SLC44A5: variants seen among roughly 807,000 people sequenced by gnomAD.
The protein encoded by SLC44A5 is choline transporter-like protein 5.
In SLC44A5, 57 loss-of-function variants were observed where a neutral mutation model predicts 101.8. That is an observed-to-expected ratio of 0.56 (90% confidence interval 0.45 to 0.70). SLC44A5 has a LOEUF of 0.70. Ranked by LOEUF, SLC44A5 falls within the 30% of genes least tolerant of loss-of-function variation. SLC44A5 has a pLI of 0.00. For synonymous variants in SLC44A5, 281 were observed against 290.9 expected (o/e 0.97, Z 0.35); for missense variants, 737 against 853.1 (o/e 0.86, Z 1.70).
chr1:75,684,901 C>A, the SLC44A5 span, among the ~76,000 whole-genome samples: 1 of 152,148 alleles, frequency 6.6e-6, no homozygotes, highest in African/African-American at 2.4e-5. Flanking sequence ...GGGCTCTGAC[C>A]CCACATTTCA....
At chr1:75,618,922 T>C in the SLC44A5 span, among the ~76,000 whole-genome samples, 2 of 151,592 alleles carry the variant, frequency 1.3e-5, no homozygotes, top group Admixed American at 6.6e-5. Flanking sequence ...ATACAAAAAT[T>C]AGCTGGGTGT....
At chr1:75,616,015 G>T, upstream of SLC44A5, 1 of 454,464 alleles carries the variant, frequency 2.2e-6, no homozygotes, top group Non-Finnish European at 2.9e-6. Flanking sequence ...TCTGCGAGCA[G>T]CAGCGGCGGC....
intron 2 of SLC44A5, among the ~76,000 whole-genome samples, chr1:75,467,661 C>T (rs556610524): frequency 7.9e-5 from 12 of 152,238 alleles, no homozygotes; most frequent in African/African-American, 2.4e-4. Flanking sequence ...GCCTATCTCT[C>T]GCCATATACA....
At chr1:75,355,115 A>G (rs899826723) in intron 3 of SLC44A5, among the ~76,000 whole-genome samples, 1 of 152,236 alleles carries the variant, frequency 6.6e-6, no homozygotes, top group Non-Finnish European at 1.5e-5. Flanking sequence ...AAAACTTTTA[A>G]AGTATGGAAT....
At position 75,361,962 on chromosome 1, in the gene SLC44A5, AT is replaced by A. The variant is rs1375590126; in HGVS notation, c.53-22333del. On this transcript the variant is annotated intron_variant, in intron 3 of 23. Coordinates refer to ENST00000370859, the MANE Select transcript of SLC44A5 (RefSeq NM_001130058.2). Reference sequence around the variant, plus strand: ...TTTATCCCTGATCTTAGAGGAAGACATTTTGTTACTGATTAAATCTCCTTAC... The same window carrying A: ...TTTATCCCTGATCTTAGAGGAAGACATTTGTTACTGATTAAATCTCCTTAC... Among the ~76,000 whole-genome samples the A allele has an allele frequency of 3.9e-5, 6 of 151,948 alleles. No homozygotes were observed. The East Asian group carries it at 1.2e-3, about 29-fold the overall frequency.
intron 2 of SLC44A5, among the ~76,000 whole-genome samples, chr1:75,439,584 C>A (rs1229775474): frequency 6.6e-6 from 1 of 151,814 alleles, no homozygotes; most frequent in Non-Finnish European, 1.5e-5. Context: ...GTTGAAATAA[C>A]AACATTTTAG....
At chr1:75,682,906 C>A in the SLC44A5 span, among the ~76,000 whole-genome samples, 3 of 151,988 alleles carry the variant, frequency 2.0e-5, no homozygotes, top group Admixed American at 6.6e-5. Context: ...AACAAATTAA[C>A]AAGAAAAAAA....
In SLC44A5 at chr1:75,477,372, T is replaced by C. The variant is rs187024045; in HGVS notation, c.13+64063A>G. Among the ~76,000 whole-genome samples the C allele has an allele frequency of 1.9e-3, 290 of 152,346 alleles. 1 individual carries two copies. The highest frequency in any genetic ancestry group is 6.4e-3 in the African/African-American group (267 of 41,572). ...CCTCTCCTCCTCCAAAGGAACGCAGTTCCTCACCAGCAACGGAACAAAGCT... is the reference window on the plus strand; with the variant it reads ...CCTCTCCTCCTCCAAAGGAACGCAGCTCCTCACCAGCAACGGAACAAAGCT... On this transcript the variant is annotated intron_variant, in intron 2 of 23. Transcript: ENST00000370859.
At chr1:75,418,432 G>A (rs778006591) in intron 2 of SLC44A5, among the ~76,000 whole-genome samples, 3 of 152,166 alleles carry the variant, frequency 2.0e-5, no homozygotes, top group Non-Finnish European at 4.4e-5. Context: ...AATATAACAG[G>A]GAAACCTATT....
chr1:75,672,277 A>G, the SLC44A5 span, among the ~76,000 whole-genome samples: 2 of 152,108 alleles, frequency 1.3e-5, no homozygotes, highest in African/African-American at 4.8e-5. Flanking sequence ...AGAGGGAAAA[A>G]TCTGTGTACT....
intron 6 of SLC44A5, 49 bp from the exon 7 acceptor site, chr1:75,251,343 A>G: frequency 2.1e-6 from 3 of 1,462,104 alleles, no homozygotes; most frequent in South Asian, 1.2e-5. Flanking sequence ...GAAATGTTCC[A>G]TATCATTTCA....
the SLC44A5 span, among the ~76,000 whole-genome samples, chr1:75,691,557 T>A: frequency 2.6e-5 from 4 of 151,820 alleles, no homozygotes; most frequent in African/African-American, 7.3e-5. Flanking sequence ...GGAAACAAAA[T>A]GAAAAAGGGG....
At chr1:75,643,072 G>C in the SLC44A5 span, among the ~76,000 whole-genome samples, 1 of 152,042 alleles carries the variant, frequency 6.6e-6, no homozygotes, top group African/African-American at 2.4e-5. Context: ...TTCCTATACT[G>C]ATTTTTACTT....
At chr1:75,683,662 C>T in the SLC44A5 span, among the ~76,000 whole-genome samples, 34 of 152,060 alleles carry the variant, frequency 2.2e-4, no homozygotes, top group East Asian at 3.9e-4. Flanking sequence ...TGCTAGATGA[C>T]GAGTTAGTGG....
the SLC44A5 span, among the ~76,000 whole-genome samples, chr1:75,665,441 G>A: frequency 3.3e-5 from 5 of 152,130 alleles, no homozygotes; most frequent in African/African-American, 1.2e-4. Context: ...TTCATCATAT[G>A]CAAAGATTAA....
intron 2 of SLC44A5, among the ~76,000 whole-genome samples, chr1:75,497,378 C>A (rs577928094): frequency 6.6e-6 from 1 of 152,128 alleles, no homozygotes; most frequent in South Asian, 2.1e-4. Flanking sequence ...TGAAATAAAT[C>A]AGACACACAA....
chr1:75,577,831 A>G (rs929029938), intron 1 of SLC44A5, among the ~76,000 whole-genome samples: 17 of 152,150 alleles, frequency 1.1e-4, no homozygotes, highest in Non-Finnish European at 2.1e-4. Context: ...ATAAGTACAA[A>G]ACACCTAAAA....
intron 1 of SLC44A5, among the ~76,000 whole-genome samples, chr1:75,552,998 A>T (rs1458551268): frequency 6.6e-6 from 1 of 152,154 alleles, no homozygotes; most frequent in Non-Finnish European, 1.5e-5. Flanking sequence ...TCAGGACACC[A>T]GTTCAAAAAT....
At chr1:75,659,957 C>T in the SLC44A5 span, among the ~76,000 whole-genome samples, 1 of 151,952 alleles carries the variant, frequency 6.6e-6, no homozygotes, top group African/African-American at 2.4e-5. Flanking sequence ...AGAATCAAAG[C>T]ACCTTGGAGG....
Sources: gnomAD v4.1 joint callset for allele counts (sites outside exome capture counted in the v4.1 genomes callset) on GRCh38, gnomAD v4.1.1 for gene constraint, MANE v1.5 for transcripts, NCBI Gene and HGNC (gene_info 2026-07-23, HGNC 2026-07-21) for gene names.